Variants in SLC35F3 observed in about 807,000 individuals in gnomAD.
SLC35F3 encodes the protein putative thiamine transporter SLC35F3.
In SLC35F3, 25 loss-of-function variants were observed where a neutral mutation model predicts 49.9. The observed-to-expected ratio is 0.50, with a 90% CI of 0.37 to 0.70. The LOEUF is 0.70. SLC35F3 is among the 30% of genes least tolerant of loss of function. The pLI, the probability that SLC35F3 is intolerant of heterozygous loss-of-function variation, is 0.00. For synonymous variants in SLC35F3, 275 were observed against 265.4 expected (o/e 1.04, Z -0.35); for missense variants, 525 against 639.8 (o/e 0.82, Z 1.94).
At chr1:233,905,234 A>G in intron 1 of SLC35F3, 104 bp downstream of exon 1, 1 of 1,272,806 alleles carries the variant, frequency 7.9e-7, no homozygotes, top group East Asian at 2.6e-5. Flanking sequence ...AGGCTCGGGG[A>G]AGGGCGGCGC....
chr1:234,300,724 A>T (rs1668679981), intron 3 of SLC35F3, among the ~76,000 whole-genome samples: 1 of 152,234 alleles, frequency 6.6e-6, no homozygotes, highest in Non-Finnish European at 1.5e-5. Flanking sequence ...AAATTAACCA[A>T]CCAAAGAGGT....
intron 2 of SLC35F3, among the ~76,000 whole-genome samples, chr1:234,068,823 T>TTATATATATATATATATATA (rs10645395): frequency 2.8e-5 from 2 of 71,184 alleles, no homozygotes; most frequent in African/African-American, 5.9e-5. Flanking sequence ...ATTTGAGACA[T>TTATATATATATATATATATA]TATATATATA....
rs558847399 is a variant in SLC35F3, at chr1:234,128,244, T to C, written c.284-103173T>C. ...AGAGCTAGTGTGTCTGGGGCATGTT[T>C]TGATTTGGCTTCCAGCTGTTTGATG... On this transcript the variant is annotated intron_variant, in intron 2 of 7. Transcript: ENST00000366618. Among the ~76,000 whole-genome samples the C allele has an allele frequency of 8.6e-5, 11 of 127,362 alleles. No individual in the cohort carries two copies. The South Asian group carries it at 2.7e-3, about 31-fold the overall frequency. 83.6% of individuals were successfully genotyped at this position (127,362 alleles called of 152,430 possible).
chr1:233,967,633 G>A (rs970375950), intron 2 of SLC35F3, among the ~76,000 whole-genome samples: 8 of 152,164 alleles, frequency 5.3e-5, no homozygotes, highest in Non-Finnish European at 1.0e-4. Flanking sequence ...CCAGTAAGAA[G>A]AAATATTCCT....
chr1:233,966,736 G>A (rs1662911898), intron 2 of SLC35F3, among the ~76,000 whole-genome samples: 2 of 152,202 alleles, frequency 1.3e-5, no homozygotes, highest in Admixed American at 1.3e-4. Context: ...ATCATAGAAA[G>A]CCTTCCTTCT....
intron 2 of SLC35F3, among the ~76,000 whole-genome samples, chr1:234,074,584 C>A (rs950501648): frequency 6.6e-6 from 1 of 152,118 alleles, no homozygotes; most frequent in African/African-American, 2.4e-5. Context: ...GGGGCCCAGT[C>A]AGAAAAGGCA....
chr1:234,128,902 A>C (rs538975583), intron 2 of SLC35F3, among the ~76,000 whole-genome samples: 1 of 152,346 alleles, frequency 6.6e-6, no homozygotes, highest in South Asian at 2.1e-4. Context: ...GTAATTGAGC[A>C]AGTAAAAAAT....
rs1216031028 is a variant in SLC35F3 at position 234,094,771 on chromosome 1, A to G, written c.284-136646A>G. Among the ~76,000 whole-genome samples, 11 of 152,202 alleles carry G rather than the reference A, an allele frequency of 7.2e-5. No individual in the cohort carries two copies. The South Asian group carries it at 2.1e-3, about 29-fold the overall frequency. On this transcript the variant is annotated intron_variant, in intron 2 of 7. Transcript: ENST00000366618. ...TAGGGGCTTTGAAGGCACTGATGGCAATTGGTGAAGTAGACTTTTATCTAA... is the reference window on the plus strand; with the variant it reads ...TAGGGGCTTTGAAGGCACTGATGGCGATTGGTGAAGTAGACTTTTATCTAA...
At chr1:234,208,472 C>T (rs1425353933) in intron 2 of SLC35F3, among the ~76,000 whole-genome samples, 1 of 152,160 alleles carries the variant, frequency 6.6e-6, no homozygotes, top group Non-Finnish European at 1.5e-5. Context: ...TAGCTACCCT[C>T]TTCCTGATGA....
At chr1:234,248,039 G>A (rs1463250532) in intron 3 of SLC35F3, among the ~76,000 whole-genome samples, 10 of 151,918 alleles carry the variant, frequency 6.6e-5, no homozygotes, top group African/African-American at 2.2e-4. Flanking sequence ...CCATTGTTTG[G>A]TAGGTTGAAT....
intron 2 of SLC35F3, among the ~76,000 whole-genome samples, chr1:233,939,976 A>G (rs1282602707): frequency 6.6e-6 from 1 of 152,182 alleles, no homozygotes; most frequent in African/African-American, 2.4e-5. Context: ...CACACAATAA[A>G]TAACATCCAA....
Position 234,303,860 on chromosome 1 carries a change from A to G in SLC35F3, c.609-5241A>G, listed in dbSNP as rs1668729816. Among the ~76,000 whole-genome samples the G allele has an allele frequency of 2.6e-5, 4 of 152,222 alleles. No individual in the cohort carries two copies. In the South Asian group the frequency reaches 8.3e-4, roughly 32 times the overall value. ...TTGGTACTTGGTGGCCCCTTACATTATGAAGATTCATGTCTTTCAGTTCTG... is the reference window on the plus strand; with the variant it reads ...TTGGTACTTGGTGGCCCCTTACATTGTGAAGATTCATGTCTTTCAGTTCTG... On this transcript the variant is annotated intron_variant, in intron 3 of 7. Transcript: ENST00000366618.
intron 2 of SLC35F3, among the ~76,000 whole-genome samples, chr1:234,150,257 A>ACAGCCGATGC (rs1666057504): frequency 9.2e-5 from 14 of 152,236 alleles, no homozygotes; most frequent in African/African-American, 3.4e-4. Context: ...CTCACTGTAA[A>ACAGCCGATGC]TAAAGCAACC....
chr1:234,059,874 C>T (rs1348591908), intron 2 of SLC35F3, among the ~76,000 whole-genome samples: 1 of 152,164 alleles, frequency 6.6e-6, no homozygotes. Flanking sequence ...CCCATCTCAC[C>T]ACTTCATGTT....
intron 2 of SLC35F3, among the ~76,000 whole-genome samples, chr1:233,920,158 A>G (rs951005831): frequency 2.0e-5 from 3 of 152,236 alleles, no homozygotes; most frequent in African/African-American, 7.2e-5. Context: ...CAATATTGTA[A>G]GTTACGGGGT....
intron 2 of SLC35F3, among the ~76,000 whole-genome samples, chr1:234,111,330 T>G (rs1371135873): frequency 1.3e-5 from 2 of 152,192 alleles, no homozygotes; most frequent in African/African-American, 4.8e-5. Context: ...TCGCTCTTTT[T>G]GCCCAGGCTG....
intron 2 of SLC35F3, among the ~76,000 whole-genome samples, chr1:233,937,079 C>T (rs1366725905): frequency 6.6e-6 from 1 of 152,082 alleles, no homozygotes; most frequent in Non-Finnish European, 1.5e-5. Context: ...TCCCATCTAC[C>T]CCCATGAATC....
In SLC35F3 at chr1:234,249,013, G is replaced by C. The variant is rs576211062; in HGVS notation, c.608+17272G>C. ...GGGAGTAGATTTTGCAGGTGCTCTG[G>C]GTGAATCTTAGGGAATGCACCCCAG... On this transcript the variant is annotated intron_variant, in intron 3 of 7. Coordinates refer to ENST00000366618, the MANE Select transcript of SLC35F3 (RefSeq NM_173508.4). Among the ~76,000 whole-genome samples, 19 of 152,292 alleles carry C rather than the reference G, an allele frequency of 1.2e-4. No individual in the cohort carries two copies. The South Asian group carries it at 3.9e-3, about 32-fold the overall frequency.
At chr1:233,936,011 T>C (rs1345707746) in intron 2 of SLC35F3, among the ~76,000 whole-genome samples, 1 of 152,212 alleles carries the variant, frequency 6.6e-6, no homozygotes, top group Non-Finnish European at 1.5e-5. Flanking sequence ...CATAATTCTG[T>C]TGACTGTCCA....
Sources: gnomAD v4.1 joint callset for allele counts (sites outside exome capture counted in the v4.1 genomes callset) on GRCh38, gnomAD v4.1.1 for gene constraint, MANE v1.5 for transcripts, NCBI Gene and HGNC (gene_info 2026-07-23, HGNC 2026-07-21) for gene names.